The following PLXNA4 variants were observed in gnomAD, a reference collection of about 807,000 sequenced individuals.
PLXNA4 encodes plexin-A4.
Under a neutral mutation model 191.8 loss-of-function variants are expected in PLXNA4, and 44 were observed. The observed-to-expected ratio is 0.23, with a 90% CI of 0.18 to 0.29. PLXNA4 has a LOEUF of 0.29. PLXNA4 is among the 10% of genes least tolerant of loss of function. The pLI is 1.00. For missense variants in PLXNA4, 1,800 were observed against 2,488.8 expected, an observed-to-expected ratio of 0.72 and a Z score of 5.89; for synonymous variants, 1,082 against 1,009.5, an observed-to-expected ratio of 1.07 and a Z score of -1.36.
At position 132,181,603 on chromosome 7, in the gene PLXNA4, G is replaced by A. The variant is rs139641811; in HGVS notation, c.3270C>T (p.Asn1090=). The change falls in exon 18 of 32, where the codon AAC becomes AAT. Residue 1090 remains asparagine (N), a synonymous_variant. Coordinates refer to ENST00000321063, the MANE Select transcript of PLXNA4 (RefSeq NM_020911.2). ...KEHINICEVL[N]ATEMTCQAPA... Reference sequence around the variant, plus strand: ...GCGCCTGACAGGTCATCTCAGTAGCGTTCAGAACCTCACAGATCTGTGGGA... The same window carrying A: ...GCGCCTGACAGGTCATCTCAGTAGCATTCAGAACCTCACAGATCTGTGGGA... 44 of 1,614,132 alleles carry A rather than the reference G, an allele frequency of 2.7e-5. No homozygotes were observed. Among genetic ancestry groups the A allele is most frequent in the Middle Eastern group, 1.7e-4 (1 of 6,058 alleles).
intron 4 of PLXNA4, among the ~76,000 whole-genome samples, chr7:132,282,136 TTTC>T (rs1406664368): frequency 6.6e-6 from 1 of 152,150 alleles, no homozygotes; most frequent in Non-Finnish European, 1.5e-5. Flanking sequence ...TAAAACCAGA[TTTC>T]TTGTTTTAAA....
intron 2 of PLXNA4, among the ~76,000 whole-genome samples, chr7:132,633,590 A>T (rs889642764): frequency 1.3e-5 from 2 of 152,126 alleles, no homozygotes; most frequent in Non-Finnish European, 2.9e-5. Context: ...CAAGGTTCTC[A>T]TTCTTGTGCA....
chr7:132,520,833 G>A (rs1346911840), intron 1 of PLXNA4, among the ~76,000 whole-genome samples: 1 of 152,054 alleles, frequency 6.6e-6, no homozygotes, highest in Non-Finnish European at 1.5e-5. Flanking sequence ...GTCTTCACTC[G>A]AGGAAGCCCA....
At chr7:132,516,607 C>T (rs1767545753) in intron 1 of PLXNA4, among the ~76,000 whole-genome samples, 1 of 152,204 alleles carries the variant, frequency 6.6e-6, no homozygotes. Context: ...TGATGGAGCA[C>T]ATACCACATG....
intron 14 of PLXNA4, among the ~76,000 whole-genome samples, chr7:132,191,639 C>T (rs1369298811): frequency 6.6e-6 from 1 of 152,166 alleles, no homozygotes. Context: ...AGTGGCTGGC[C>T]AAGGAAGTCC....
intron 4 of PLXNA4, among the ~76,000 whole-genome samples, chr7:132,263,587 CACTT>C (rs1562999294): frequency 6.6e-6 from 1 of 152,224 alleles, no homozygotes; most frequent in African/African-American, 2.4e-5. Flanking sequence ...GCGGAGCTGA[CACTT>C]ACAACCTAGC....
chr7:132,401,078 C>T (rs1453649975), intron 3 of PLXNA4, among the ~76,000 whole-genome samples: 4 of 151,646 alleles, frequency 2.6e-5, no homozygotes, highest in African/African-American at 4.9e-5. Context: ...TTGGCTGGCA[C>T]ATATCTACAC....
chr7:132,633,340 T>A (rs576379293), intron 2 of PLXNA4, among the ~76,000 whole-genome samples: 1 of 150,764 alleles, frequency 6.6e-6, no homozygotes, highest in Non-Finnish European at 1.5e-5. Flanking sequence ...TGGAGTGCAG[T>A]GGTTCGATCT....
chr7:132,409,671 T>G (rs926581097), intron 3 of PLXNA4, among the ~76,000 whole-genome samples: 1 of 152,206 alleles, frequency 6.6e-6, no homozygotes, highest in Non-Finnish European at 1.5e-5. Flanking sequence ...ATCTCTCCCC[T>G]GGACTTTGGC....
chr7:132,227,756 T>G, intron 6 of PLXNA4, 152 bp from the exon 7 acceptor site: 1 of 1,007,690 alleles, frequency 9.9e-7, no homozygotes, highest in African/African-American at 1.6e-5. Flanking sequence ...GAGACTCAGG[T>G]TATTAGGAGA....
Position 132,202,752 on chromosome 7 carries a change from T to C in PLXNA4, c.2480A>G (p.Gln827Arg). 1 of 1,611,832 alleles carries C rather than the reference T, an allele frequency of 6.2e-7. No individual in the cohort carries two copies. Among genetic ancestry groups the C allele is most frequent in the South Asian group, 1.1e-5 (1 of 90,750 alleles). Reference sequence around the variant, plus strand: ...GCGCAGGGTGCACTGGCCTGGGCCCTGGCACCAGCCACATGCGAAGTCTGG... The same window carrying C: ...GCGCAGGGTGCACTGGCCTGGGCCCCGGCACCAGCCACATGCGAAGTCTGG... ...ADPDFACGWC[Q>R]GPGQCTLRQH... The change falls in exon 12 of 32, where the codon CAG (glutamine) becomes CGG (arginine). Residue 827 changes from glutamine to arginine, a missense_variant. By Grantham distance (43) the Gln-to-Arg change is conservative (BLOSUM62 1). Transcript: ENST00000321063.
chr7:132,279,376 T>C (rs539119434), intron 4 of PLXNA4, among the ~76,000 whole-genome samples: 1 of 152,286 alleles, frequency 6.6e-6, no homozygotes, highest in South Asian at 2.1e-4. Context: ...GCATGGTGGC[T>C]CACACACTTT....
intron 4 of PLXNA4, among the ~76,000 whole-genome samples, chr7:132,262,763 G>A (rs1005222556): frequency 6.6e-6 from 1 of 152,170 alleles, no homozygotes; most frequent in Middle Eastern, 3.2e-3. Flanking sequence ...GCTGGCTTAA[G>A]CTCAGTGGGG....
At chr7:132,153,029 C>T (rs539391038) in intron 25 of PLXNA4, among the ~76,000 whole-genome samples, 1 of 152,230 alleles carries the variant, frequency 6.6e-6, no homozygotes, top group Admixed American at 6.5e-5. Flanking sequence ...CGGGATAAAA[C>T]ATAAGCCCTT....
chr7:132,513,867 GT>G (rs537184157), intron 1 of PLXNA4, among the ~76,000 whole-genome samples: 22 of 151,988 alleles, frequency 1.4e-4, no homozygotes, highest in Non-Finnish European at 3.1e-4. Flanking sequence ...TAGAGATGGG[GT>G]TTCACCATGT....
At chr7:132,559,003 C>A (rs545004445) in intron 1 of PLXNA4, among the ~76,000 whole-genome samples, 3 of 152,146 alleles carry the variant, frequency 2.0e-5, no homozygotes, top group East Asian at 3.8e-4. Flanking sequence ...AACAAGGACA[C>A]CCCCGGTGGC....
chr7:132,251,615 C>T (rs552727750), intron 4 of PLXNA4, among the ~76,000 whole-genome samples: 10 of 152,212 alleles, frequency 6.6e-5, no homozygotes, highest in Non-Finnish European at 1.3e-4. Flanking sequence ...GCTCTGCTGA[C>T]CAGCGTTCCC....
chr7:132,131,250 T>C (rs942445971), intron 31 of PLXNA4, among the ~76,000 whole-genome samples: 2 of 152,152 alleles, frequency 1.3e-5, no homozygotes, highest in Non-Finnish European at 1.5e-5. Flanking sequence ...TATGCTAGAA[T>C]TTTACTCAGA....
chr7:132,318,711 T>G (rs73723778), intron 3 of PLXNA4, among the ~76,000 whole-genome samples: 1 of 144,840 alleles, frequency 6.9e-6, no homozygotes. Flanking sequence ...TCCAATCTCA[T>G]CTGTCCCCTG....
Sources: allele counts gnomAD v4.1 joint callset (sites outside exome capture counted in the v4.1 genomes callset), GRCh38; gene constraint gnomAD v4.1.1; transcripts MANE v1.5; gene names NCBI Gene and HGNC (gene_info 2026-07-23, HGNC 2026-07-21).